Variants in HSD17B12 observed in about 807,000 individuals in gnomAD.
HSD17B12 encodes the protein hydroxysteroid 17-beta dehydrogenase 12.
Under a neutral mutation model 39.3 loss-of-function variants are expected in HSD17B12, and 32 were observed. The ratio of observed to expected loss-of-function variants is 0.81; its 90% confidence interval spans 0.61 to 1.09. The LOEUF is 1.09. Among genes scored for constraint, HSD17B12 ranks in the 50% least tolerant of loss-of-function variants. The pLI is 0.00. For synonymous variants in HSD17B12, 150 were observed against 146.7 expected, an observed-to-expected ratio of 1.02 and a Z score of -0.16; for missense variants, 342 against 382.9, an observed-to-expected ratio of 0.89 and a Z score of 0.89.
At chr11:43,839,820 G>T (rs1951407515) in intron 8 of HSD17B12, among the ~76,000 whole-genome samples, 179 bp from the exon 9 acceptor site, 1 of 152,100 alleles carries the variant, frequency 6.6e-6, no homozygotes. Context: ...TTTAGTGGCA[G>T]ATAAAAACAG....
upstream of HSD17B12, among the ~76,000 whole-genome samples, chr11:43,677,678 G>A (rs1949703686): frequency 1.2e-5 from 1 of 81,930 alleles, no homozygotes. Context: ...CCACCTATGA[G>A]TGAGAACATG....
intron 1 of HSD17B12, among the ~76,000 whole-genome samples, chr11:43,727,226 C>T (rs1950229898): frequency 6.6e-6 from 1 of 152,114 alleles, no homozygotes; most frequent in African/African-American, 2.4e-5. Context: ...ACTGAGTAGC[C>T]CTTGTCGGAA....
intron 1 of HSD17B12, among the ~76,000 whole-genome samples, chr11:43,716,240 A>G (rs1351376361): frequency 6.6e-6 from 1 of 152,146 alleles, no homozygotes; most frequent in African/African-American, 2.4e-5. Context: ...GTGACTGCAA[A>G]ATGGAGGGAC....
chr11:43,658,344 C>T, the HSD17B12 span, among the ~76,000 whole-genome samples: 27,848 of 152,086 alleles, frequency 0.18, 3,045 homozygotes, highest in Middle Eastern at 0.27. Context: ...CGAACTTCCT[C>T]CTTTAGGTCG....
upstream of HSD17B12, among the ~76,000 whole-genome samples, chr11:43,678,828 A>T (rs1312823156): frequency 6.6e-6 from 1 of 152,006 alleles, no homozygotes; most frequent in South Asian, 2.1e-4. Context: ...TGCTGTTTTG[A>T]TTACTGTAGC....
chr11:43,756,200 T>A (rs756124105), intron 3 of HSD17B12, among the ~76,000 whole-genome samples: 8 of 152,096 alleles, frequency 5.3e-5, no homozygotes, highest in Non-Finnish European at 1.2e-4. Flanking sequence ...AGATTCCCAA[T>A]ATTAAATATG....
chr11:43,794,929 G>C (rs1403370964), intron 3 of HSD17B12, among the ~76,000 whole-genome samples: 7 of 152,186 alleles, frequency 4.6e-5, no homozygotes, highest in Admixed American at 3.3e-4. Flanking sequence ...GCAAGGATCA[G>C]AGTCCCAGAA....
the HSD17B12 span, among the ~76,000 whole-genome samples, chr11:43,587,797 C>T: frequency 6.6e-6 from 1 of 152,156 alleles, no homozygotes; most frequent in Non-Finnish European, 1.5e-5. Flanking sequence ...AGTATAAGAT[C>T]ACAATGCCAG....
At chr11:43,776,780 G>A (rs1950709131) in intron 3 of HSD17B12, among the ~76,000 whole-genome samples, 1 of 152,024 alleles carries the variant, frequency 6.6e-6, no homozygotes, top group Non-Finnish European at 1.5e-5. Context: ...ATTGATTTTT[G>A]TATAAGGTGT....
intron 6 of HSD17B12, 40 bp from the exon 7 acceptor site, chr11:43,830,936 A>G (rs1298158927): frequency 3.8e-6 from 6 of 1,572,642 alleles, no homozygotes; most frequent in Non-Finnish European, 4.4e-6. Flanking sequence ...TGTTGCCTGC[A>G]TCCTTGGCCA....
At chr11:43,787,828 G>T (rs539423797) in intron 3 of HSD17B12, among the ~76,000 whole-genome samples, 335 of 151,766 alleles carry the variant, frequency 2.2e-3, no homozygotes, top group Non-Finnish European at 3.8e-3. Context: ...TGCCCCCAAA[G>T]TTCCCTTTTT....
chr11:43,771,937 G>A (rs1950654458), intron 3 of HSD17B12, among the ~76,000 whole-genome samples: 1 of 152,194 alleles, frequency 6.6e-6, no homozygotes, highest in South Asian at 2.1e-4. Flanking sequence ...AACAAAACAA[G>A]ACAAAACCAA....
At chr11:43,742,140 T>TATATATATATA (rs1554964313) in intron 1 of HSD17B12, among the ~76,000 whole-genome samples, 52 of 50,930 alleles carry the variant, frequency 1.0e-3, no homozygotes, top group African/African-American at 2.7e-3. Flanking sequence ...TATATATATA[T>TATATATATATA]TTTTTTTTTT....
At chr11:43,852,255 AGTGC>A in intron 9 of HSD17B12, 1 of 152,330 alleles carries the variant, frequency 6.6e-6, no homozygotes, top group East Asian at 1.9e-4. Flanking sequence ...TCAGTCAGGC[AGTGC>A]AACTTAATTC....
chr11:43,612,502 A>C, the HSD17B12 span, among the ~76,000 whole-genome samples: 1 of 152,202 alleles, frequency 6.6e-6, no homozygotes. Context: ...TCATTTGTTC[A>C]TTTGACAATG....
the HSD17B12 span, among the ~76,000 whole-genome samples, chr11:43,625,034 A>G: frequency 6.6e-6 from 1 of 151,806 alleles, no homozygotes; most frequent in African/African-American, 2.4e-5. Context: ...ATACTGCTCT[A>G]CATAAATGTT....
the HSD17B12 span, among the ~76,000 whole-genome samples, chr11:43,580,561 G>C: frequency 6.6e-6 from 1 of 152,118 alleles, no homozygotes; most frequent in Admixed American, 6.5e-5. Flanking sequence ...AGGATGACTA[G>C]TGTGGAGTTT....
chr11:43,755,373 T>G (rs1565076173), intron 3 of HSD17B12: 1 of 152,664 alleles, frequency 6.6e-6, no homozygotes, highest in Non-Finnish European at 1.5e-5. Flanking sequence ...GAAATTGTAA[T>G]CATAAATGAT....
intron 2 of HSD17B12, among the ~76,000 whole-genome samples, chr11:43,752,673 C>T (rs1308663266): frequency 1.3e-5 from 2 of 151,890 alleles, no homozygotes; most frequent in Admixed American, 6.6e-5. Flanking sequence ...GAGATCACAC[C>T]GTGGCACTCC....
Sources: allele counts gnomAD v4.1 joint callset (sites outside exome capture counted in the v4.1 genomes callset), GRCh38; gene constraint gnomAD v4.1.1; transcripts MANE v1.5; gene names NCBI Gene and HGNC (gene_info 2026-07-23, HGNC 2026-07-21).